The following PRDM16 variants were observed in gnomAD, a reference collection of about 807,000 sequenced individuals.
PRDM16 encodes histone-lysine N-methyltransferase PRDM16.
PRDM16 carries 23 observed loss-of-function variants against 110.6 expected under a neutral mutation model. The ratio of observed to expected loss-of-function variants is 0.21; its 90% CI spans 0.15 to 0.29. The LOEUF (loss-of-function observed/expected upper bound fraction) is 0.29, where lower values mean the gene tolerates loss of function less well. Ranked by LOEUF, PRDM16 falls within the 10% of genes least tolerant of loss-of-function variation. The pLI is 1.00. For synonymous variants in PRDM16, 799 were observed against 781.8 expected (o/e 1.02, Z -0.37); for missense variants, 1,615 against 1,794.3 (o/e 0.90, Z 1.81).
chr1:3,409,221 G>A (rs938614076), intron 8 of PRDM16, among the ~76,000 whole-genome samples: 3 of 151,780 alleles, frequency 2.0e-5, no homozygotes, highest in Admixed American at 1.3e-4. Context: ...GAGTTGGTGC[G>A]TGTGGGTGTG....
intron 1 of PRDM16, among the ~76,000 whole-genome samples, chr1:3,103,153 T>C (rs1310854530): frequency 2.0e-5 from 3 of 152,304 alleles, no homozygotes; most frequent in African/African-American, 7.2e-5. Flanking sequence ...ACGCCTGTCC[T>C]GGTGAGCTGG....
intron 1 of PRDM16, among the ~76,000 whole-genome samples, chr1:3,100,572 C>T (rs570723116): frequency 1.3e-5 from 2 of 152,244 alleles, no homozygotes; most frequent in East Asian, 1.9e-4. Context: ...CCTGGAGAAG[C>T]GAGCTCCAGG....
intron 5 of PRDM16, among the ~76,000 whole-genome samples, chr1:3,398,258 C>T (rs1643416509): frequency 6.6e-6 from 1 of 152,140 alleles, no homozygotes; most frequent in Non-Finnish European, 1.5e-5. Context: ...CCACCCCGCT[C>T]CAGCCCCTGA....
At position 3,153,475 on chromosome 1, in the gene PRDM16, C is replaced by T. The variant is rs146184349; in HGVS notation, c.38-32650C>T. ...CCCCAGGAAGAGAAGCTCCCCACAG[C>T]GCGGTCCCCAGGCTGGACCAGAGCG... is the stretch of plus-strand genomic sequence containing the variant. On this transcript the variant is annotated intron_variant, in intron 1 of 16. Coordinates refer to ENST00000270722, the MANE Select transcript of PRDM16 (RefSeq NM_022114.4). 4.0e-4 allele frequency among the ~76,000 whole-genome samples: 61 copies of T among 152,346 alleles called. No homozygotes were observed. In the East Asian group the frequency reaches 9.9e-3, roughly 25 times the overall value.
At chr1:3,404,010 C>T (rs2100644643) in intron 6 of PRDM16, among the ~76,000 whole-genome samples, 1 of 152,342 alleles carries the variant, frequency 6.6e-6, no homozygotes, top group South Asian at 2.1e-4. Flanking sequence ...TTTACATAAA[C>T]ACATAAATCA....
intron 3 of PRDM16, among the ~76,000 whole-genome samples, chr1:3,360,190 G>A (rs765523293): frequency 2.0e-5 from 3 of 152,214 alleles, no homozygotes; most frequent in Admixed American, 6.5e-5. Context: ...CCCAGGACAC[G>A]TTTTCTGTGG....
At chr1:3,366,901 G>A (rs886291833) in intron 3 of PRDM16, among the ~76,000 whole-genome samples, 5 of 152,174 alleles carry the variant, frequency 3.3e-5, no homozygotes, top group East Asian at 1.9e-4. Flanking sequence ...GTAGCATCCC[G>A]GGGAGTGAGG....
chr1:3,429,718 TCTC>T (rs1638713599), intron 14 of PRDM16, among the ~76,000 whole-genome samples: 1 of 152,094 alleles, frequency 6.6e-6, no homozygotes, highest in South Asian at 2.1e-4. Flanking sequence ...ACCGAGGAAC[TCTC>T]CTCAAGCCCT....
At chr1:3,115,962 C>T (rs971737666) in intron 1 of PRDM16, among the ~76,000 whole-genome samples, 1 of 152,114 alleles carries the variant, frequency 6.6e-6, no homozygotes, top group African/African-American at 2.4e-5. Flanking sequence ...GCTGTCCATG[C>T]CCCAGCCTCC....
chr1:3,119,582 C>T (rs1300582508), intron 1 of PRDM16, among the ~76,000 whole-genome samples: 1 of 152,182 alleles, frequency 6.6e-6, no homozygotes, highest in Non-Finnish European at 1.5e-5. Context: ...TGTGTGTTTT[C>T]TCTCTGAATC....
At chr1:3,295,058 T>G (rs1301003214) in intron 3 of PRDM16, among the ~76,000 whole-genome samples, 1 of 152,120 alleles carries the variant, frequency 6.6e-6, no homozygotes, top group Non-Finnish European at 1.5e-5. Context: ...TTCGAGGTGC[T>G]CTCCTGCCTG....
intron 1 of PRDM16, among the ~76,000 whole-genome samples, chr1:3,128,855 T>C (rs1643266665): frequency 6.6e-6 from 1 of 152,222 alleles, no homozygotes; most frequent in African/African-American, 2.4e-5. Context: ...GCTGGAACTG[T>C]TCGGCCCTCA....
At chr1:3,084,241 C>A (rs1177856050) in intron 1 of PRDM16, among the ~76,000 whole-genome samples, 4 of 152,158 alleles carry the variant, frequency 2.6e-5, no homozygotes, top group Non-Finnish European at 2.9e-5. Context: ...TCGGGTGGGG[C>A]AGGTTGGGCT....
intron 1 of PRDM16, among the ~76,000 whole-genome samples, chr1:3,116,399 G>A (rs1642961072): frequency 6.6e-6 from 1 of 152,150 alleles, no homozygotes; most frequent in South Asian, 2.1e-4. Flanking sequence ...GTGGCCTGGA[G>A]ACGTGGCACC....
Position 3,201,357 on chromosome 1 carries a change from G to A in PRDM16, c.387+14883G>A, listed in dbSNP as rs527873824. Among the ~76,000 whole-genome samples, 61 of 152,194 alleles carry A rather than the reference G, an allele frequency of 4.0e-4. No homozygotes were observed. The highest frequency in any genetic ancestry group is 3.4e-3 in the Middle Eastern group (1 of 294). On this transcript the variant is annotated intron_variant, in intron 2 of 16. Transcript: ENST00000270722. This position sits in a 1 kb window ranked among gnomAD's most constrained non-coding sequence, Gnocchi z 4.1. ...ACAGAGATGAACAAGATGCAGCCTC[G>A]GCGCTCAGAGGCGGGTGTCCAGTCC...
At chr1:3,283,218 C>T (rs1419078525) in intron 3 of PRDM16, among the ~76,000 whole-genome samples, 2 of 152,184 alleles carry the variant, frequency 1.3e-5, no homozygotes, top group Non-Finnish European at 2.9e-5. Context: ...ATATCCCAGG[C>T]ACAGCTGCCC....
chr1:3,411,611 G>T lies in PRDM16; in HGVS notation c.1414G>T (p.Ala472Ser). 6.2e-7 allele frequency: 1 copy of T among 1,613,952 alleles called. No individual in the cohort carries two copies. Among genetic ancestry groups the T allele is most frequent in the Non-Finnish European group, 8.5e-7 (1 of 1,179,972 alleles). ...GACCCCCAGCCCCATGATGGACAAG[G>T]CAAAACCCTCCCCCAGCCTCAATCA... Reference protein sequence around the residue: ...PLTPSPMMDKAKPSPSLNHAS... With the variant: ...PLTPSPMMDKSKPSPSLNHAS... Residue 472 changes from alanine to serine, a missense_variant, in exon 9 of 17, where the codon GCA (alanine) becomes TCA (serine). Physicochemically the swap from Ala to Ser is moderately conservative, Grantham distance 99. Coordinates refer to ENST00000270722, the MANE Select transcript of PRDM16 (RefSeq NM_022114.4).
intron 3 of PRDM16, among the ~76,000 whole-genome samples, chr1:3,305,467 T>C (rs1247189307): frequency 6.6e-6 from 1 of 152,180 alleles, no homozygotes; most frequent in Admixed American, 6.5e-5. Flanking sequence ...CCCAGCTCCA[T>C]GTTAGGTGTA....
rs189851868 is a variant in PRDM16 at position 3,139,040 on chromosome 1, A to G, written c.38-47085A>G. Among the ~76,000 whole-genome samples the G allele has an allele frequency of 1.1e-3, 162 of 152,068 alleles. 1 individual carries two copies. Among genetic ancestry groups the G allele is most frequent in the African/African-American group, 3.8e-3 (156 of 41,462 alleles). The stretch of plus-strand genomic sequence containing the variant: ...ATAATGGGACTTCTGTTCTCGGGAG[A>G]GGCTTCAGTGGGGGCTTGGGGCCAG... On this transcript the variant is annotated intron_variant, in intron 1 of 16. Coordinates refer to ENST00000270722, the MANE Select transcript of PRDM16 (RefSeq NM_022114.4).
Sources: gnomAD v4.1 joint callset for allele counts (sites outside exome capture counted in the v4.1 genomes callset) on GRCh38, gnomAD v4.1.1 for gene constraint, Gnocchi (gnomAD v3.1) non-coding constraint, MANE v1.5 for transcripts, NCBI Gene and HGNC (gene_info 2026-07-23, HGNC 2026-07-21) for gene names.